TBC1D30: variants seen among roughly 807,000 people sequenced by gnomAD.
The protein encoded by TBC1D30 is TBC1 domain family, member 30.
Under a neutral mutation model 63.2 loss-of-function variants are expected in TBC1D30, and 31 were observed. The ratio of observed to expected loss-of-function variants is 0.49; its 90% CI spans 0.37 to 0.66. The LOEUF is 0.66. TBC1D30 is among the 30% of genes least tolerant of loss of function. The pLI, the probability that TBC1D30 is intolerant of heterozygous loss-of-function variation, is 0.00. For missense variants in TBC1D30, 810 were observed against 953.6 expected (o/e 0.85, Z 1.98); for synonymous variants, 307 against 361.5 (o/e 0.85, Z 1.71).
chr12:64,777,719 A>C (rs1871124818), upstream of TBC1D30, among the ~76,000 whole-genome samples: 2 of 152,248 alleles, frequency 1.3e-5, no homozygotes, highest in African/African-American at 4.8e-5. Context: ...TTCCCATTAA[A>C]CTACCATTGA....
intron 2 of TBC1D30, among the ~76,000 whole-genome samples, chr12:64,795,981 C>T (rs910423067): frequency 6.6e-6 from 1 of 151,746 alleles, no homozygotes; most frequent in Non-Finnish European, 1.5e-5. Flanking sequence ...ATATTGATAA[C>T]CGTTTTAGGT....
At chr12:64,791,095 T>A (rs1167410271) in intron 2 of TBC1D30, among the ~76,000 whole-genome samples, 1 of 152,218 alleles carries the variant, frequency 6.6e-6, no homozygotes, top group Non-Finnish European at 1.5e-5. Flanking sequence ...TAATTGAATA[T>A]TATTCAGCCA....
intron 1 of TBC1D30, among the ~76,000 whole-genome samples, chr12:64,766,310 C>G (rs2136271943): frequency 6.6e-6 from 1 of 152,220 alleles, no homozygotes; most frequent in Admixed American, 6.5e-5. Context: ...AGAGAAAACT[C>G]TGATCTCAGA....
chr12:64,843,500 T>A lies in TBC1D30; in HGVS notation c.1038+15T>A. On this transcript the variant is annotated intron_variant, in intron 8 of 11. Coordinates refer to ENST00000539867, the MANE Select transcript of TBC1D30 (RefSeq NM_015279.2). ...AACTCATGCAGGTGAGTCGGCAACATGGAGCAGCTTGGCTCGGGGAACCCC... is the reference window on the plus strand; with the variant it reads ...AACTCATGCAGGTGAGTCGGCAACAAGGAGCAGCTTGGCTCGGGGAACCCC... 1 of 1,533,368 alleles carries A rather than the reference T, an allele frequency of 6.5e-7. No individual in the cohort carries two copies. Among genetic ancestry groups the A allele is most frequent in the Non-Finnish European group, 8.7e-7 (1 of 1,144,612 alleles). 95.0% of individuals were successfully genotyped at this position (1,533,368 alleles called of 1,614,324 possible).
intron 1 of TBC1D30, among the ~76,000 whole-genome samples, chr12:64,826,098 A>T (rs898706442): frequency 2.0e-5 from 3 of 150,892 alleles, no homozygotes; most frequent in African/African-American, 7.3e-5. Flanking sequence ...TCTCCTTCCC[A>T]CGTTAAAAGT....
At chr12:64,832,560 T>C (rs1257500109) in intron 5 of TBC1D30, among the ~76,000 whole-genome samples, 1 of 152,266 alleles carries the variant, frequency 6.6e-6, no homozygotes, top group Non-Finnish European at 1.5e-5. Context: ...TAAATATTAA[T>C]TGTATTAATT....
chr12:64,858,031 T>C (rs1299804317), intron 8 of TBC1D30, among the ~76,000 whole-genome samples: 4 of 152,226 alleles, frequency 2.6e-5, no homozygotes, highest in Non-Finnish European at 5.9e-5. Context: ...TCAATGCCTC[T>C]TTCCATGATA....
chr12:64,777,815 A>G (rs1871127601), upstream of TBC1D30, among the ~76,000 whole-genome samples: 5 of 152,356 alleles, frequency 3.3e-5, no homozygotes, highest in South Asian at 1.0e-3. Flanking sequence ...GCCGGAGTGC[A>G]GTGGTGCAAT....
chr12:64,855,187 G>A (rs1398140893), intron 8 of TBC1D30, among the ~76,000 whole-genome samples: 1 of 151,972 alleles, frequency 6.6e-6, no homozygotes, highest in Non-Finnish European at 1.5e-5. Context: ...TGAGAAGTCT[G>A]TTGCAAGACA....
intron 8 of TBC1D30, among the ~76,000 whole-genome samples, chr12:64,860,017 C>CTTT (rs534789255): frequency 2.2e-5 from 3 of 138,032 alleles, no homozygotes; most frequent in African/African-American, 7.9e-5. Flanking sequence ...GATTCTTCTT[C>CTTT]TTTTTTTTTT....
intron 2 of TBC1D30, among the ~76,000 whole-genome samples, chr12:64,786,408 T>A (rs2136296645): frequency 6.6e-6 from 1 of 152,190 alleles, no homozygotes; most frequent in Non-Finnish European, 1.5e-5. Flanking sequence ...CTTGGCTGAA[T>A]ACAACCTCCG....
chr12:64,793,326 G>C (rs776108761), intron 2 of TBC1D30, among the ~76,000 whole-genome samples: 7 of 151,774 alleles, frequency 4.6e-5, no homozygotes, highest in Admixed American at 2.0e-4. Flanking sequence ...CTGGGTGACA[G>C]AGTGAGATAC....
chr12:64,795,956 A>G (rs1346655467), intron 2 of TBC1D30, among the ~76,000 whole-genome samples: 1 of 152,224 alleles, frequency 6.6e-6, no homozygotes, highest in African/African-American at 2.4e-5. Flanking sequence ...TGTGAATTTA[A>G]TTACAAATTT....
intron 2 of TBC1D30, among the ~76,000 whole-genome samples, chr12:64,818,978 G>T (rs1260932216): frequency 6.6e-6 from 1 of 152,142 alleles, no homozygotes; most frequent in Non-Finnish European, 1.5e-5. Context: ...ACGACAAGAA[G>T]AATACGATGA....
intron 7 of TBC1D30, among the ~76,000 whole-genome samples, 184 bp from the exon 8 acceptor site, chr12:64,843,196 A>T (rs1056509626): frequency 6.6e-6 from 1 of 152,124 alleles, no homozygotes; most frequent in African/African-American, 2.4e-5. Context: ...ATTTGGAGAG[A>T]TGGGGTCTTG....
intron 5 of TBC1D30, among the ~76,000 whole-genome samples, chr12:64,833,838 T>C (rs1875089617): frequency 6.6e-6 from 1 of 150,488 alleles, no homozygotes; most frequent in Admixed American, 6.7e-5. Flanking sequence ...AGAAGCAATT[T>C]TGTTTACTCA....
chr12:64,820,216 C>T (rs533764575), upstream of TBC1D30, among the ~76,000 whole-genome samples: 1 of 152,326 alleles, frequency 6.6e-6, no homozygotes, highest in African/African-American at 2.4e-5. Flanking sequence ...ACTTCCCCTT[C>T]TGGAAGCCCC....
At chr12:64,786,967 A>G (rs1374088920) in intron 2 of TBC1D30, among the ~76,000 whole-genome samples, 7 of 152,024 alleles carry the variant, frequency 4.6e-5, no homozygotes. Context: ...ATAAATAAAA[A>G]TAAAAATAAA....
At chr12:64,801,029 G>T (rs1351833540) in intron 2 of TBC1D30, among the ~76,000 whole-genome samples, 1 of 152,144 alleles carries the variant, frequency 6.6e-6, no homozygotes, top group Non-Finnish European at 1.5e-5. Context: ...AGCTGCTTCT[G>T]TCCCTCTCCG....
Sources: gnomAD v4.1 joint callset for allele counts (sites outside exome capture counted in the v4.1 genomes callset) on GRCh38, gnomAD v4.1.1 for gene constraint, MANE v1.5 for transcripts, NCBI Gene and HGNC (gene_info 2026-07-23, HGNC 2026-07-21) for gene names.